The following PPM1H variants were observed in gnomAD, a reference collection of about 807,000 sequenced individuals.
The protein encoded by PPM1H is protein phosphatase, Mg2+/Mn2+ dependent 1H, also known as protein phosphatase 1H.
In PPM1H, 27 loss-of-function variants were observed where a neutral mutation model predicts 54.9. The ratio of observed to expected loss-of-function variants is 0.49; its 90% confidence interval spans 0.36 to 0.68. PPM1H has a LOEUF of 0.68. PPM1H is among the 30% of genes least tolerant of loss of function. PPM1H has a pLI of 0.00. For missense variants in PPM1H, 596 were observed against 667.8 expected, an observed-to-expected ratio of 0.89 and a Z score of 1.19; for synonymous variants, 305 against 270.8, an observed-to-expected ratio of 1.13 and a Z score of -1.24.
At chr12:62,803,569 T>A (rs1592607436) in intron 2 of PPM1H, among the ~76,000 whole-genome samples, 3 of 152,242 alleles carry the variant, frequency 2.0e-5, no homozygotes, top group East Asian at 3.9e-4. Context: ...AAGACTTAGA[T>A]GTAAGACGTG....
At chr12:62,723,369 A>C (rs548320806) in intron 5 of PPM1H, among the ~76,000 whole-genome samples, 1 of 152,322 alleles carries the variant, frequency 6.6e-6, no homozygotes, top group East Asian at 1.9e-4. Context: ...TTAAAAAAAA[A>C]AAGTAAGTTG....
At chr12:62,871,901 G>A (rs571810) in intron 1 of PPM1H, among the ~76,000 whole-genome samples, 13,872 of 152,158 alleles carry the variant, frequency 0.091, 2,085 homozygotes, top group African/African-American at 0.32. Context: ...ACACATGGAT[G>A]GCACAGGGCA....
chr12:62,766,671 G>A (rs1239826839), intron 4 of PPM1H, among the ~76,000 whole-genome samples: 1 of 152,206 alleles, frequency 6.6e-6, no homozygotes, highest in Non-Finnish European at 1.5e-5. Flanking sequence ...GTGATAGAAT[G>A]AGCAAGCTCT....
chr12:62,828,379 T>C (rs1232718978), intron 2 of PPM1H, among the ~76,000 whole-genome samples: 1 of 152,146 alleles, frequency 6.6e-6, no homozygotes, highest in African/African-American at 2.4e-5. Context: ...CCTGAGAACA[T>C]AGGGCCGGCT....
rs534311325 is a variant in PPM1H at position 62,846,494 on chromosome 12, C to T, written c.246-14215G>A. Among the ~76,000 whole-genome samples, 709 of 147,298 alleles carry T rather than the reference C, an allele frequency of 4.8e-3. 1 individual carries two copies. Among genetic ancestry groups the T allele is most frequent in the Non-Finnish European group, 5.7e-3 (387 of 67,318 alleles). The stretch of plus-strand genomic sequence containing the variant: ...CAGCCTGGGCAACAGAGCGAGATTC[C>T]GCCTCAAAAAAAAAAAAATTTTTTT... On this transcript the variant is annotated intron_variant, in intron 1 of 9. Transcript: ENST00000228705.
intron 9 of PPM1H, among the ~76,000 whole-genome samples, chr12:62,651,519 A>G (rs977493198): frequency 1.3e-5 from 2 of 152,194 alleles, no homozygotes; most frequent in Non-Finnish European, 2.9e-5. Context: ...TTTAAAAAGC[A>G]AGGATTAGGT....
At chr12:62,901,693 C>T (rs1375160214) in intron 1 of PPM1H, among the ~76,000 whole-genome samples, 1 of 152,150 alleles carries the variant, frequency 6.6e-6, no homozygotes, top group East Asian at 1.9e-4. Context: ...AAAGAAAATC[C>T]TTCCTATACA....
At chr12:62,897,974 C>T (rs1272325985) in intron 1 of PPM1H, among the ~76,000 whole-genome samples, 2 of 152,146 alleles carry the variant, frequency 1.3e-5, no homozygotes, top group Non-Finnish European at 2.9e-5. Context: ...GCAGGAAGGA[C>T]TGGACAAAGA....
intron 9 of PPM1H, among the ~76,000 whole-genome samples, chr12:62,661,836 G>A (rs936567065): frequency 1.3e-5 from 2 of 152,152 alleles, no homozygotes; most frequent in Admixed American, 6.5e-5. Flanking sequence ...ATAGGCACAT[G>A]CCACTGCACC....
intron 5 of PPM1H, among the ~76,000 whole-genome samples, chr12:62,724,440 C>T (rs2076279208): frequency 6.6e-6 from 1 of 152,120 alleles, no homozygotes; most frequent in Non-Finnish European, 1.5e-5. Context: ...TATCCATTTG[C>T]CTGGGTGGCT....
intron 3 of PPM1H, among the ~76,000 whole-genome samples, chr12:62,792,254 A>C (rs1269429699): frequency 6.6e-6 from 1 of 152,208 alleles, no homozygotes; most frequent in Non-Finnish European, 1.5e-5. Context: ...ACTTTGGGGG[A>C]AACATTCCAG....
At chr12:62,775,335 C>A (rs2076603969) in intron 4 of PPM1H, among the ~76,000 whole-genome samples, 1 of 152,160 alleles carries the variant, frequency 6.6e-6, no homozygotes, top group Non-Finnish European at 1.5e-5. Context: ...GCCCCAGGTG[C>A]CACCTTGGGA....
At chr12:62,841,573 T>C (rs941497826) in intron 1 of PPM1H, among the ~76,000 whole-genome samples, 6 of 152,190 alleles carry the variant, frequency 3.9e-5, no homozygotes, top group Non-Finnish European at 7.3e-5. Flanking sequence ...ACTTATTAGG[T>C]TGAATTATCT....
rs548880818 is a variant in PPM1H, at chr12:62,666,415, T to G, written c.1397+763A>C. Among the ~76,000 whole-genome samples, 12 of 152,284 alleles carry G rather than the reference T, an allele frequency of 7.9e-5. No individual in the cohort carries two copies. In the South Asian group the frequency reaches 2.1e-3, roughly 26 times the overall value. On this transcript the variant is annotated intron_variant, in intron 9 of 9. Transcript: ENST00000228705. ...TTTCTGAGAGTCTTCTAAGGATATT[T>G]AGGTTATTTACACTGCTGCTAGACT...
At chr12:62,877,376 G>T (rs1290458996) in intron 1 of PPM1H, among the ~76,000 whole-genome samples, 1 of 152,146 alleles carries the variant, frequency 6.6e-6, no homozygotes, top group African/African-American at 2.4e-5. Flanking sequence ...AGAGATTGGG[G>T]GCCCCTCACC....
At chr12:62,931,386 G>C (rs1055202079) in intron 1 of PPM1H, among the ~76,000 whole-genome samples, 1 of 152,152 alleles carries the variant, frequency 6.6e-6, no homozygotes, top group Admixed American at 6.5e-5. Context: ...AGCATTACTG[G>C]TGGCAGCTTC....
intron 3 of PPM1H, among the ~76,000 whole-genome samples, chr12:62,791,299 C>T (rs1026858204): frequency 2.0e-5 from 3 of 152,000 alleles, no homozygotes; most frequent in Non-Finnish European, 4.4e-5. Context: ...GCACGGGTGT[C>T]AGGTGGGAAG....
At chr12:62,663,154 A>G (rs755121174) in intron 9 of PPM1H, among the ~76,000 whole-genome samples, 1 of 152,134 alleles carries the variant, frequency 6.6e-6, no homozygotes, top group Non-Finnish European at 1.5e-5. Context: ...TTTCTGTAAT[A>G]AAAACAATTC....
At chr12:62,739,603 G>A (rs1408015732) in intron 4 of PPM1H, among the ~76,000 whole-genome samples, 2 of 152,132 alleles carry the variant, frequency 1.3e-5, no homozygotes, top group Non-Finnish European at 2.9e-5. Context: ...CCCAGGCATG[G>A]ACTAGGAAGA....
Sources: allele counts gnomAD v4.1 joint callset (sites outside exome capture counted in the v4.1 genomes callset), GRCh38; gene constraint gnomAD v4.1.1; transcripts MANE v1.5; gene names NCBI Gene and HGNC (gene_info 2026-07-23, HGNC 2026-07-21).